The following LRRC23 variants were observed in gnomAD, a reference collection of about 807,000 sequenced individuals.
The protein encoded by LRRC23 is leucine-rich repeat-containing protein 23.
LRRC23 carries 28 observed loss-of-function variants against 37.7 expected under a neutral mutation model. The ratio of observed to expected loss-of-function variants is 0.74; its 90% confidence interval spans 0.55 to 1.02. LRRC23 has a LOEUF of 1.02. Ranked by LOEUF, LRRC23 falls within the 50% of genes least tolerant of loss-of-function variation. The probability of loss-of-function intolerance (pLI) is 0.00; values close to 1 mark genes in which losing one functional copy is unlikely to be tolerated. For synonymous variants in LRRC23, 161 were observed against 165.4 expected (o/e 0.97, Z 0.20); for missense variants, 377 against 413.2 (o/e 0.91, Z 0.76).
At chr12:6,911,324 G>A (rs1017590173) in intron 6 of LRRC23, among the ~76,000 whole-genome samples, 1 of 152,132 alleles carries the variant, frequency 6.6e-6, no homozygotes, top group Non-Finnish European at 1.5e-5. Context: ...AGGGAGAGGT[G>A]GTTGCATCTG....
At chr12:6,908,908 G>T (rs1219389207) in intron 5 of LRRC23, among the ~76,000 whole-genome samples, 1 of 141,426 alleles carries the variant, frequency 7.1e-6, no homozygotes, top group African/African-American at 2.6e-5. Flanking sequence ...GTGAAAAGAC[G>T]GCTGGAGAAG....
Position 6,914,027 on chromosome 12 carries a change from G to A in LRRC23, c.*161G>A. 6.2e-7 allele frequency: 1 copy of A among 1,612,032 alleles called. No individual in the cohort carries two copies. The highest frequency in any genetic ancestry group is 1.3e-5 in the African/African-American group (1 of 74,898). The stretch of plus-strand genomic sequence containing the variant: ...CAACCTGAGGCCCAGGATCTGCTCT[G>A]TGCCGGTCCTCTGGGCAGTGTGGGG... On this transcript the variant is annotated 3_prime_UTR_variant, in exon 8 of 8. Transcript: ENST00000443597. This position sits in a 1 kb window ranked among gnomAD's most constrained non-coding sequence, Gnocchi z 7.1.
intron 6 of LRRC23, among the ~76,000 whole-genome samples, chr12:6,911,155 A>G (rs782402162): frequency 7.2e-5 from 11 of 152,326 alleles, no homozygotes; most frequent in African/African-American, 2.6e-4. Context: ...GGACATTTGT[A>G]AGAAAATCTT....
intron 5 of LRRC23, among the ~76,000 whole-genome samples, chr12:6,909,087 TTATA>T (rs1945037448): frequency 2.1e-5 from 1 of 46,604 alleles, no homozygotes; most frequent in Non-Finnish European, 3.1e-5. Flanking sequence ...TATTATATAA[TTATA>T]TATTATATAT....
At chr12:6,906,917 C>T (rs1944963392) in intron 4 of LRRC23, among the ~76,000 whole-genome samples, 1 of 152,098 alleles carries the variant, frequency 6.6e-6, no homozygotes, top group Admixed American at 6.6e-5. Context: ...ACAGTAAGTA[C>T]ATTCATGTAG....
rs1451890623 is a variant in LRRC23 at position 6,913,559 on chromosome 12, T to TTG, written c.*25-331_*25-330insGT. On this transcript the variant is annotated intron_variant, in intron 7 of 7. Coordinates refer to ENST00000443597, the MANE Select transcript of LRRC23 (RefSeq NM_001135217.2). ...AGGCTTTATTTACCTCTGTTTGTTT[T>TTG]TTTTTTTTTTTTTTTTTTTTTTTTG... Among the ~76,000 whole-genome samples the TTG allele has an allele frequency of 6.8e-4, 71 of 103,918 alleles. 5 individuals carry two copies. The highest frequency in any genetic ancestry group is 4.1e-3 in the African/African-American group (69 of 16,784). The allele number at this position is 103,918 out of a possible 152,430, so 68.2% of individuals were successfully genotyped here.
chr12:6,906,842 A>C, intron 4 of LRRC23, 180 bp downstream of exon 4: 1 of 684,450 alleles, frequency 1.5e-6, no homozygotes, highest in Non-Finnish European at 2.4e-6. Flanking sequence ...CAATAAGACA[A>C]GGAACGTCCC....
rs1299828396 is a variant in LRRC23 at position 6,909,112 on chromosome 12, TACATATA to T, written c.622-776_622-770del. ...TTATATATTATATATAATATATAAT[TACATATA>T]ATATATAATATATAATTATATATTA... On this transcript the variant is annotated intron_variant, in intron 5 of 7. Transcript: ENST00000443597. 1.4e-3 allele frequency among the ~76,000 whole-genome samples: 28 copies of T among 19,964 alleles called. 4 individuals are homozygous for T. Among genetic ancestry groups the T allele is most frequent in the African/African-American group, 0.013 (20 of 1,520 alleles). 13.1% of individuals were successfully genotyped at this position (19,964 alleles called of 152,430 possible).
chr12:6,913,812 C>T (rs1388349357), intron 7 of LRRC23, 79 bp from the exon 8 acceptor site: 2 of 1,095,708 alleles, frequency 1.8e-6, no homozygotes, highest in Non-Finnish European at 2.6e-6. Context: ...ATCTGCCCGC[C>T]TCCGCCTTCC....
chr12:6,907,600 TAC>T, intron 5 of LRRC23, 155 bp downstream of exon 5: 1 of 772,102 alleles, frequency 1.3e-6, no homozygotes, highest in Non-Finnish European at 2.3e-6. Context: ...GCTGTGGAGA[TAC>T]ACAGCCACCT....
intron 1 of LRRC23, 41 bp from the exon 2 acceptor site, chr12:6,905,544 A>G (rs957292133): frequency 1.9e-5 from 26 of 1,335,076 alleles, no homozygotes; most frequent in African/African-American, 5.8e-5. Flanking sequence ...ACGATGAAGG[A>G]GCTGAAGGCT....
chr12:6,909,740 C>G (rs1945112324), intron 5 of LRRC23, 150 bp from the exon 6 acceptor site: 2 of 649,748 alleles, frequency 3.1e-6, no homozygotes, highest in Non-Finnish European at 5.1e-6. Context: ...TCTTTACTTT[C>G]TATACTGATC....
intron 5 of LRRC23, among the ~76,000 whole-genome samples, chr12:6,907,918 G>A (rs868974767): frequency 8.5e-5 from 13 of 152,086 alleles, no homozygotes; most frequent in African/African-American, 1.2e-4. Context: ...CACAGATTGA[G>A]GGCTCGGTTC....
rs782064103 is a variant in LRRC23, at chr12:6,913,995, TTCA to T, written c.*133_*135del. On this transcript the variant is annotated 3_prime_UTR_variant, in exon 8 of 8. Transcript: ENST00000443597. ...CCTGTTTTTGCCCCAAAGCTGGAAA[TTCA>T]TCACAACCTGAGGCCCAGGATCTGC... 1.9e-6 allele frequency: 3 copies of T among 1,613,926 alleles called. No individual in the cohort carries two copies. The Admixed American group carries it at 5.0e-5, about 27-fold the overall frequency.
In LRRC23 at chr12:6,906,533, G is replaced by A; in HGVS notation, c.361G>A (p.Asp121Asn). ...YLTHLLWLKADGNRLRSAQMN... is the reference protein window; with the variant it reads ...YLTHLLWLKANGNRLRSAQMN... Reference sequence around the variant, plus strand: ...CACCCACCTGCTCTGGCTCAAGGCTGATGGCAATCGGCTGCGAAGTGCCCA... The same window carrying A: ...CACCCACCTGCTCTGGCTCAAGGCTAATGGCAATCGGCTGCGAAGTGCCCA... Residue 121 changes from aspartate (D) to asparagine (N), a missense_variant, in exon 4 of 8, where the codon GAT becomes AAT. Coordinates refer to ENST00000443597, the MANE Select transcript of LRRC23 (RefSeq NM_001135217.2). 6.2e-7 allele frequency: 1 copy of A among 1,614,220 alleles called. No homozygotes were observed. Among genetic ancestry groups the A allele is most frequent in the South Asian group, 1.1e-5 (1 of 91,086 alleles).
chr12:6,907,199 C>A, intron 4 of LRRC23, 116 bp from the exon 5 acceptor site: 1 of 1,261,628 alleles, frequency 7.9e-7, no homozygotes, highest in Non-Finnish European at 1.1e-6. Context: ...AGCTGGCCTT[C>A]CTCAGTATCT....
intron 5 of LRRC23, 168 bp downstream of exon 5, chr12:6,907,613 A>C (rs1555139865): frequency 1.4e-6 from 1 of 716,870 alleles, no homozygotes; most frequent in African/African-American, 1.7e-5. Flanking sequence ...ACAGCCACCT[A>C]GCAGGGCTGA....
At chr12:6,909,357 G>A (rs1277202710) in intron 5 of LRRC23, among the ~76,000 whole-genome samples, 15 of 24,948 alleles carry the variant, frequency 6.0e-4, no homozygotes, top group South Asian at 1.2e-3. Context: ...ATATATAATA[G>A]TATATTATAT....
rs1271648478 is a variant in LRRC23 at position 6,913,110 on chromosome 12, G to T, written c.*24+83G>T. ...AGAGGCAAGAGGGGAAGCTGCTGCAGAAGGAGGTGGGAGAGGAAAGCATCA... is the reference window on the plus strand; with the variant it reads ...AGAGGCAAGAGGGGAAGCTGCTGCATAAGGAGGTGGGAGAGGAAAGCATCA... On this transcript the variant is annotated intron_variant, in intron 7 of 7. Coordinates refer to ENST00000443597, the MANE Select transcript of LRRC23 (RefSeq NM_001135217.2). The T allele has an allele frequency of 3.6e-6, 5 of 1,377,978 alleles. No individual in the cohort carries two copies. In the Admixed American group the frequency reaches 5.8e-5, roughly 16 times the overall value. The allele number at this position is 1,377,978 out of a possible 1,614,324, so 85.4% of individuals were successfully genotyped here. A position where few individuals can be genotyped will look rare whatever the true frequency, so the allele number is the denominator to read the frequency against.
Sources: allele counts gnomAD v4.1 joint callset (sites outside exome capture counted in the v4.1 genomes callset), GRCh38; gene constraint gnomAD v4.1.1; non-coding constraint Gnocchi (gnomAD v3.1); transcripts MANE v1.5; gene names NCBI Gene and HGNC (gene_info 2026-07-23, HGNC 2026-07-21).